Variants in ROCK1 observed in about 807,000 individuals in gnomAD.
The protein encoded by ROCK1 is rho-associated protein kinase 1.
In ROCK1, 36 loss-of-function variants were observed where a neutral mutation model predicts 196.8. The observed-to-expected ratio is 0.18, with a 90% confidence interval of 0.14 to 0.24. ROCK1 has a LOEUF of 0.24. Among genes scored for constraint, ROCK1 ranks in the 10% least tolerant of loss-of-function variants. The pLI is 1.00. For synonymous variants in ROCK1, 443 were observed against 515.9 expected (o/e 0.86, Z 1.91); for missense variants, 920 against 1,562.0 (o/e 0.59, Z 6.93).
At chr18:21,060,579 C>T (rs930766969) in intron 2 of ROCK1, among the ~76,000 whole-genome samples, 3 of 152,192 alleles carry the variant, frequency 2.0e-5, no homozygotes, top group Admixed American at 1.3e-4. Context: ...GTGGCTCACG[C>T]CTGTAATTCC....
intron 9 of ROCK1, among the ~76,000 whole-genome samples, chr18:21,033,677 T>C (rs1028794237): frequency 4.0e-5 from 6 of 151,306 alleles, no homozygotes; most frequent in African/African-American, 1.5e-4. Context: ...TTCTATATAC[T>C]AGCAATAAAC....
intron 14 of ROCK1, 63 bp from the exon 15 acceptor site, chr18:21,006,853 CT>C (rs150540633): frequency 3.4e-6 from 4 of 1,183,848 alleles, no homozygotes; most frequent in South Asian, 1.5e-5. Flanking sequence ...CATATAAATC[CT>C]TTTTTAAAAA....
In ROCK1 at chr18:21,111,467, C is replaced by T; in HGVS notation, c.-557G>A. 4.0e-6 allele frequency: 1 copy of T among 251,530 alleles called. No individual in the cohort carries two copies. The highest frequency in any genetic ancestry group is 5.4e-5 in the Admixed American group (1 of 18,484). 15.6% of individuals were successfully genotyped at this position (251,530 alleles called of 1,614,324 possible). A position where few individuals can be genotyped will look rare whatever the true frequency, so the allele number is the denominator to read the frequency against. On this transcript the variant is annotated 5_prime_UTR_variant, in exon 1 of 33. Coordinates refer to ENST00000399799, the MANE Select transcript of ROCK1 (RefSeq NM_005406.3). This position sits in a 1 kb window ranked among gnomAD's most constrained non-coding sequence, Gnocchi z 4.2. The stretch of plus-strand genomic sequence containing the variant: ...GTCCCCGGCTCTACTCGGCCCGGCC[C>T]GACGCACCGATCAGTCTCGGCCACG...
At chr18:20,958,237 G>C (rs1404222693) in intron 29 of ROCK1, among the ~76,000 whole-genome samples, 4 of 151,762 alleles carry the variant, frequency 2.6e-5, no homozygotes, top group Non-Finnish European at 5.9e-5. Flanking sequence ...AGAAAATAAA[G>C]AAAGAGTATT....
At chr18:21,100,873 C>T (rs2036653721) in intron 1 of ROCK1, among the ~76,000 whole-genome samples, 1 of 152,146 alleles carries the variant, frequency 6.6e-6, no homozygotes, top group Admixed American at 6.5e-5. Context: ...TTTCCTCTTC[C>T]CTGTTTCCTG....
rs575649963 is a variant in ROCK1 at position 20,974,575 on chromosome 18, T to C, written c.2655-4062A>G. ...TTCAGGGTAAAATTACCTGCATCTATACATTCATCCAGACTTCCTTTACAA... is the reference window on the plus strand; with the variant it reads ...TTCAGGGTAAAATTACCTGCATCTACACATTCATCCAGACTTCCTTTACAA... On this transcript the variant is annotated intron_variant, in intron 22 of 32. Transcript: ENST00000399799. 2.6e-5 allele frequency among the ~76,000 whole-genome samples: 4 copies of C among 152,320 alleles called. No individual in the cohort carries two copies. In the South Asian group the frequency reaches 8.3e-4, roughly 32 times the overall value.
At chr18:21,022,154 C>T (rs2035918676) in intron 11 of ROCK1, among the ~76,000 whole-genome samples, 2 of 151,862 alleles carry the variant, frequency 1.3e-5, no homozygotes, top group South Asian at 2.1e-4. Context: ...TCTCTGTGCC[C>T]CCCCACAAAA....
At chr18:20,989,827 T>C (rs2035608033) in intron 18 of ROCK1, among the ~76,000 whole-genome samples, 1 of 152,202 alleles carries the variant, frequency 6.6e-6, no homozygotes, top group Admixed American at 6.5e-5. Context: ...ACACCTATGC[T>C]TTCATTATTT....
Position 21,006,535 on chromosome 18 carries a change from A to G in ROCK1, c.1701T>C (p.Ser567=), listed in dbSNP as rs1457649416. 1 of 1,613,608 alleles carries G rather than the reference A, an allele frequency of 6.2e-7. No homozygotes were observed. The highest frequency in any genetic ancestry group is 8.5e-7 in the Non-Finnish European group (1 of 1,179,918). The part of the protein sequence containing the change: ...ESDTAVRLRK[S]HTEMSKSISQ... Reference sequence around the variant, plus strand: ...TAATTGACTTGCTCATCTCTGTGTGACTCTTCCTCAATCTTACAGCTGTGT... The same window carrying G: ...TAATTGACTTGCTCATCTCTGTGTGGCTCTTCCTCAATCTTACAGCTGTGT... Residue 567 remains serine (S), a synonymous_variant, in exon 16 of 33, where the codon AGT becomes AGC. Coordinates refer to ENST00000399799, the MANE Select transcript of ROCK1 (RefSeq NM_005406.3).
intron 2 of ROCK1, among the ~76,000 whole-genome samples, chr18:21,057,012 A>G (rs1344605061): frequency 6.6e-6 from 1 of 152,236 alleles, no homozygotes; most frequent in Non-Finnish European, 1.5e-5. Context: ...CAAACTTCTC[A>G]GAACTTCCGA....
At chr18:21,051,698 T>C (rs1477716309) in intron 2 of ROCK1, among the ~76,000 whole-genome samples, 1 of 152,178 alleles carries the variant, frequency 6.6e-6, no homozygotes, top group Non-Finnish European at 1.5e-5. Flanking sequence ...AGTAGCTCTC[T>C]ACATGAAATA....
At chr18:20,966,831 C>T in intron 27 of ROCK1, 86 bp downstream of exon 27, 3 of 1,053,698 alleles carry the variant, frequency 2.8e-6, no homozygotes, top group South Asian at 1.6e-5. Flanking sequence ...GACAAAATGA[C>T]AAGGAGGTAG....
In ROCK1 at chr18:20,980,003, G is replaced by A. The variant is rs1389513777; in HGVS notation, c.2561C>T (p.Thr854Ile). 4 of 1,546,030 alleles carry A rather than the reference G, an allele frequency of 2.6e-6. No individual in the cohort carries two copies. The highest frequency in any genetic ancestry group is 1.2e-5 in the South Asian group (1 of 81,944). ...TTCCTTTACCTGGGTTTTATAAAGT[G>A]TCTGCAAAACAAGTGACAAGGAGAA... ...DQLEAEQYFSTLYKTQVKELK... is the reference protein window; with the variant it reads ...DQLEAEQYFSILYKTQVKELK... Residue 854 changes from threonine to isoleucine, a missense_variant and splice_region_variant, in exon 22 of 33, where the codon ACA (threonine) becomes ATA (isoleucine). Transcript: ENST00000399799.
At chr18:21,070,085 G>A (rs1285516231) in intron 2 of ROCK1, among the ~76,000 whole-genome samples, 1 of 151,858 alleles carries the variant, frequency 6.6e-6, no homozygotes, top group Non-Finnish European at 1.5e-5. Flanking sequence ...AAGTAAGGAG[G>A]ACTTTATGAT....
At chr18:20,965,396 C>T (rs547143016) in intron 27 of ROCK1, among the ~76,000 whole-genome samples, 1 of 137,134 alleles carries the variant, frequency 7.3e-6, no homozygotes, top group African/African-American at 2.7e-5. Context: ...TACATACATA[C>T]ATACATATAT....
rs950646661 is a variant in ROCK1, at chr18:20,950,477, T to C, written c.*907A>G. The C allele has an allele frequency of 4.6e-5, 7 of 152,360 alleles. No homozygotes were observed. The highest frequency in any genetic ancestry group is 7.4e-5 in the Non-Finnish European group (5 of 67,972). The allele number at this position is 152,360 out of a possible 1,614,324, so 9.4% of individuals were successfully genotyped here. ...CACTAAAAGGACAATGCAACCCCCA[T>C]TGAAAGTGTTCTAAGAATAATTTAC... On this transcript the variant is annotated 3_prime_UTR_variant, in exon 33 of 33. Coordinates refer to ENST00000399799, the MANE Select transcript of ROCK1 (RefSeq NM_005406.3).
At chr18:20,989,689 A>C (rs2035606742) in intron 18 of ROCK1, among the ~76,000 whole-genome samples, 1 of 152,140 alleles carries the variant, frequency 6.6e-6, no homozygotes, top group Non-Finnish European at 1.5e-5. Context: ...TTGATATAGA[A>C]AAGAAAAAGA....
intron 21 of ROCK1, 102 bp downstream of exon 21, chr18:20,982,661 A>G (rs2035543556): frequency 1.6e-6 from 1 of 607,074 alleles, no homozygotes. Context: ...GAAGATGAAG[A>G]GTCATTTGAA....
chr18:20,954,335 GGGAGGCCGA>G (rs2035219683), intron 31 of ROCK1, among the ~76,000 whole-genome samples: 1 of 147,226 alleles, frequency 6.8e-6, no homozygotes, highest in Non-Finnish European at 1.5e-5. Context: ...CCAGCACTTT[GGGAGGCCGA>G]GGTGGGTGGA....
Sources: gnomAD v4.1 joint callset for allele counts (sites outside exome capture counted in the v4.1 genomes callset) on GRCh38, gnomAD v4.1.1 for gene constraint, Gnocchi (gnomAD v3.1) non-coding constraint, MANE v1.5 for transcripts, NCBI Gene and HGNC (gene_info 2026-07-23, HGNC 2026-07-21) for gene names.